The following MEGF10 variants were observed in gnomAD, a reference collection of about 807,000 sequenced individuals.
MEGF10 encodes the protein multiple EGF like domains 10, also known as multiple epidermal growth factor-like domains protein 10.
Under a neutral mutation model 147.5 loss-of-function variants are expected in MEGF10, and 86 were observed. The observed-to-expected ratio is 0.58, with a 90% CI of 0.49 to 0.70. The LOEUF is 0.70. MEGF10 is among the 30% of genes least tolerant of loss of function. MEGF10 has a pLI of 0.00. For missense variants in MEGF10, 1,329 were observed against 1,487.3 expected (o/e 0.89, Z 1.75); for synonymous variants, 478 against 525.5 (o/e 0.91, Z 1.24).
rs539890193 is a variant in MEGF10, at chr5:127,385,688, A to G, written c.413-10844A>G. 3.9e-5 allele frequency among the ~76,000 whole-genome samples: 6 copies of G among 152,348 alleles called. No individual in the cohort carries two copies. In the South Asian group the frequency reaches 1.2e-3, roughly 32 times the overall value. ...TTTCCCTATGATAAGCTTGAGTTCT[A>G]AGATTTGATATGTTATCCCACTGTA... On this transcript the variant is annotated intron_variant, in intron 5 of 24. Coordinates refer to ENST00000503335, the MANE Select transcript of MEGF10 (RefSeq NM_001256545.2).
intron 4 of MEGF10, among the ~76,000 whole-genome samples, chr5:127,354,199 G>T (rs1347187497): frequency 6.6e-6 from 1 of 152,156 alleles, no homozygotes; most frequent in East Asian, 1.9e-4. Context: ...TTGTTTGAAT[G>T]TCATGCTTCA....
At chr5:127,318,391 AC>A (rs1461285627) in intron 1 of MEGF10, among the ~76,000 whole-genome samples, 1 of 152,216 alleles carries the variant, frequency 6.6e-6, no homozygotes, top group African/African-American at 2.4e-5. Flanking sequence ...GGAATATCCA[AC>A]CAAAAAAGTG....
chr5:127,439,921 C>T (rs749360621), intron 17 of MEGF10, among the ~76,000 whole-genome samples: 3 of 152,190 alleles, frequency 2.0e-5, no homozygotes, highest in East Asian at 3.8e-4. Context: ...AGGGAGTCAT[C>T]GGTGCATACT....
chr5:127,385,522 C>T (rs1763395583), intron 5 of MEGF10, among the ~76,000 whole-genome samples: 1 of 152,186 alleles, frequency 6.6e-6, no homozygotes, highest in Admixed American at 6.5e-5. Flanking sequence ...ATCTGCCCGA[C>T]TTGGCCTGCC....
chr5:127,350,345 G>A (rs1762041966), intron 4 of MEGF10, among the ~76,000 whole-genome samples: 1 of 152,122 alleles, frequency 6.6e-6, no homozygotes, highest in African/African-American at 2.4e-5. Context: ...ATAAAAATTT[G>A]TATAACTCAA....
At chr5:127,378,233 T>C (rs1204373384) in intron 5 of MEGF10, among the ~76,000 whole-genome samples, 3 of 152,216 alleles carry the variant, frequency 2.0e-5, no homozygotes, top group Non-Finnish European at 2.9e-5. Flanking sequence ...ATATCTATTA[T>C]ACTCATAGGC....
chr5:127,387,984 C>G (rs1294761812), intron 5 of MEGF10, among the ~76,000 whole-genome samples: 1 of 150,300 alleles, frequency 6.7e-6, no homozygotes, highest in East Asian at 2.0e-4. Context: ...AGTTATAGCG[C>G]TCTACACTCA....
chr5:127,283,458 C>T, the MEGF10 span, among the ~76,000 whole-genome samples: 1 of 152,180 alleles, frequency 6.6e-6, no homozygotes, highest in African/African-American at 2.4e-5. Context: ...CATGATCCCA[C>T]TCCACAGTAA....
chr5:127,387,440 A>G lies in MEGF10; in HGVS notation c.413-9092A>G, dbSNP rs185813106. On this transcript the variant is annotated intron_variant, in intron 5 of 24. Transcript: ENST00000503335. The stretch of plus-strand genomic sequence containing the variant: ...TGCTGCTACATCTTGAAGCCTGGGA[A>G]CTGTCATTTTAAGCAAACAACTATT... Among the ~76,000 whole-genome samples the G allele has an allele frequency of 1.2e-3, 189 of 152,326 alleles. 2 individuals are homozygous for G. The highest frequency in any genetic ancestry group is 3.4e-3 in the Middle Eastern group (1 of 294).
intron 7 of MEGF10, among the ~76,000 whole-genome samples, chr5:127,401,933 G>A (rs550425507): frequency 1.3e-5 from 2 of 152,114 alleles, no homozygotes; most frequent in Non-Finnish European, 2.9e-5. Flanking sequence ...TGTTGAATCT[G>A]CTGAAAATAA....
chr5:127,281,889 C>G, the MEGF10 span, among the ~76,000 whole-genome samples: 1 of 152,224 alleles, frequency 6.6e-6, no homozygotes, highest in African/African-American at 2.4e-5. Context: ...TAGCAGGCAA[C>G]CCTCTTAGGC....
chr5:127,444,672 T>G (rs1017630246), intron 19 of MEGF10: 1 of 152,240 alleles, frequency 6.6e-6, no homozygotes, highest in East Asian at 1.9e-4. Context: ...GGAAGAACTA[T>G]GTAATGCCCA....
rs114704569 is a variant in MEGF10, at chr5:127,422,681, C to T, written c.1602C>T (p.Tyr534=). The change falls in exon 13 of 25, where the codon TAC becomes TAT. Residue 534 remains tyrosine, a synonymous_variant. Coordinates refer to ENST00000503335, the MANE Select transcript of MEGF10 (RefSeq NM_001256545.2). ...KCELPCQDGT[Y]GLNCAERCDC... is the part of the protein sequence containing the mutation. ...TGTTTTCCATGCAGGATGGCACGTA[C>T]GGGCTGAACTGTGCTGAGCGCTGCG... The T allele has an allele frequency of 1.9e-3, 3,145 of 1,613,786 alleles. 7 individuals carry two copies. Among genetic ancestry groups the T allele is most frequent in the Non-Finnish European group, 2.4e-3 (2,794 of 1,179,736 alleles).
At chr5:127,274,371 A>G in the MEGF10 span, among the ~76,000 whole-genome samples, 1 of 152,134 alleles carries the variant, frequency 6.6e-6, no homozygotes, top group Non-Finnish European at 1.5e-5. Context: ...CAATAGAGTT[A>G]TTTTCAATTT....
chr5:127,290,175 G>T (rs909321452), upstream of MEGF10, among the ~76,000 whole-genome samples: 46 of 152,174 alleles, frequency 3.0e-4, no homozygotes, highest in African/African-American at 1.1e-3. Flanking sequence ...TTTCCTGCGC[G>T]TCCGGGGAGT....
chr5:127,342,380 C>T (rs1580737007), intron 4 of MEGF10, among the ~76,000 whole-genome samples: 1 of 152,158 alleles, frequency 6.6e-6, no homozygotes, highest in African/African-American at 2.4e-5. Flanking sequence ...GCACACATTT[C>T]TATTAACCCA....
chr5:127,412,651 G>GCA (rs1390516103), intron 9 of MEGF10, among the ~76,000 whole-genome samples: 2 of 151,232 alleles, frequency 1.3e-5, no homozygotes, highest in Non-Finnish European at 2.9e-5. Flanking sequence ...TTGGGTAAGG[G>GCA]TTTGTATCAG....
At chr5:127,419,039 C>T in intron 10 of MEGF10, 81 bp from the exon 11 acceptor site, 1 of 1,465,392 alleles carries the variant, frequency 6.8e-7, no homozygotes, top group Non-Finnish European at 9.2e-7. Context: ...TTAGCATTGC[C>T]AAGATATATT....
Position 127,438,461 on chromosome 5 carries a change from C to T in MEGF10, c.2127C>T (p.Gly709=). 1.2e-6 allele frequency: 2 copies of T among 1,614,060 alleles called. No individual in the cohort carries two copies. The highest frequency in any genetic ancestry group is 1.7e-6 in the Non-Finnish European group (2 of 1,179,960). Residue 709 remains glycine (G), a synonymous_variant, in exon 17 of 25, where the codon GGC becomes GGT. Coordinates refer to ENST00000503335, the MANE Select transcript of MEGF10 (RefSeq NM_001256545.2). ...CAGCATGTCCACCTGCCCACTGGGG[C>T]CCAAACTGCATCCACACGTGCAACT... ...CSQPCPPAHW[G]PNCIHTCNCH...
Sources: allele counts gnomAD v4.1 joint callset (sites outside exome capture counted in the v4.1 genomes callset), GRCh38; gene constraint gnomAD v4.1.1; transcripts MANE v1.5; gene names NCBI Gene and HGNC (gene_info 2026-07-23, HGNC 2026-07-21).